The following PTPN23 variants were observed in gnomAD, a reference collection of about 807,000 sequenced individuals.
PTPN23 encodes protein tyrosine phosphatase non-receptor type 23.
Under a neutral mutation model 156.3 loss-of-function variants are expected in PTPN23, and 72 were observed. The observed-to-expected ratio is 0.46, with a 90% CI of 0.38 to 0.56. PTPN23 has a LOEUF of 0.56. Among genes scored for constraint, PTPN23 ranks in the 20% least tolerant of loss-of-function variants. The pLI is 0.00. For missense variants in PTPN23, 1,974 were observed against 2,171.5 expected (o/e 0.91, Z 1.81); for synonymous variants, 957 against 899.6 (o/e 1.06, Z -1.14).
intron 2 of PTPN23, among the ~76,000 whole-genome samples, chr3:47,403,251 A>G (rs1325575456): frequency 6.6e-6 from 1 of 150,476 alleles, no homozygotes; most frequent in African/African-American, 2.5e-5. Flanking sequence ...ACGGGGTTTC[A>G]CCGTGTTAGC....
rs1036806809 is a variant in PTPN23 at position 47,407,345 on chromosome 3, A to T, written c.901A>T (p.Thr301Ser). The change falls in exon 11 of 25, where the codon ACT (threonine) becomes TCT (serine). Residue 301 changes from threonine to serine, a missense_variant. This residue lies in a region of PTPN23 where 726 missense variants were observed against 929.5 expected (regional missense o/e 0.78). Coordinates refer to ENST00000265562, the MANE Select transcript of PTPN23 (RefSeq NM_015466.4). This position sits in a 1 kb window ranked among gnomAD's most constrained non-coding sequence, Gnocchi z 4.0. Reference protein sequence around the residue: ...PDTVQDALRFTMDVIGGKYNS... With the variant: ...PDTVQDALRFSMDVIGGKYNS... ...CACTGTGCAAGACGCGCTTCGCTTC[A>T]CTATGGATGTCATTGGGGGAAAGTG... 1 of 1,613,814 alleles carries T rather than the reference A, an allele frequency of 6.2e-7. No homozygotes were observed. The highest frequency in any genetic ancestry group is 1.3e-5 in the African/African-American group (1 of 74,864).
In PTPN23 at chr3:47,381,136, C is replaced by T; in HGVS notation, c.40C>T (p.Leu14=). 2 of 1,592,662 alleles carry T rather than the reference C, an allele frequency of 1.3e-6. No individual in the cohort carries two copies. ...VPRMPMIWLD[L]KEAGDFHFQP... ...CCGCATGCCCATGATCTGGCTGGAC[C>T]TGAAGGAGGCCGGTGACTTTCACTT... The change falls in exon 1 of 25, where the codon CTG becomes TTG. Residue 14 remains leucine (L), a synonymous_variant. Transcript: ENST00000265562.
At chr3:47,381,694 G>T (rs1433515129) in intron 1 of PTPN23, among the ~76,000 whole-genome samples, 8 of 152,202 alleles carry the variant, frequency 5.3e-5, no homozygotes, top group Non-Finnish European at 1.2e-4. Context: ...CCTGCGGTGA[G>T]GGTTTGTTTT....
chr3:47,392,259 C>T (rs1704790434), intron 1 of PTPN23, among the ~76,000 whole-genome samples: 1 of 152,134 alleles, frequency 6.6e-6, no homozygotes, highest in Non-Finnish European at 1.5e-5. Context: ...CATCATAGCT[C>T]ACTGCAGCTT....
intron 1 of PTPN23, among the ~76,000 whole-genome samples, chr3:47,390,987 GT>G (rs1160715991): frequency 5.9e-5 from 9 of 152,162 alleles, no homozygotes; most frequent in Non-Finnish European, 7.3e-5. Flanking sequence ...GCTCATGTCT[GT>G]AATCCCAACA....
Position 47,404,996 on chromosome 3 carries a change from T to G in PTPN23, c.288-9T>G. On this transcript the variant is annotated splice_polypyrimidine_tract_variant and intron_variant, in intron 3 of 24. Coordinates refer to ENST00000265562, the MANE Select transcript of PTPN23 (RefSeq NM_015466.4). ...TGCCCTCGAGATAACTGGGGTGCCA[T>G]GTCTGCAGGACAGAGATCTTCTCAG... 1 of 1,614,166 alleles carries G rather than the reference T, an allele frequency of 6.2e-7. No homozygotes were observed. The highest frequency in any genetic ancestry group is 1.3e-5 in the African/African-American group (1 of 75,048).
At chr3:47,391,666 C>T (rs1415267277) in intron 1 of PTPN23, among the ~76,000 whole-genome samples, 1 of 152,112 alleles carries the variant, frequency 6.6e-6, no homozygotes, top group Non-Finnish European at 1.5e-5. Context: ...TCAGATGTTC[C>T]TAGTGATATC....
Position 47,406,683 on chromosome 3 carries a change from C to A in PTPN23, c.760-20C>A, listed in dbSNP as rs201260277. On this transcript the variant is annotated intron_variant, in intron 8 of 24. Transcript: ENST00000265562. The surrounding 1 kb of genome is among the most constrained non-coding windows in gnomAD (Gnocchi z 5.8). ...CCACAGCTCAGGAAGCAAGTCGTGG[C>A]GTCTCTTCTTCTTTCCCAGCTGCAC... 2.5e-6 allele frequency: 4 copies of A among 1,613,984 alleles called. No homozygotes were observed. The highest frequency in any genetic ancestry group is 2.7e-5 in the African/African-American group (2 of 75,050).
At chr3:47,403,536 G>A (rs137970230) in intron 2 of PTPN23, among the ~76,000 whole-genome samples, 199 of 152,050 alleles carry the variant, frequency 1.3e-3, no homozygotes, top group African/African-American at 4.7e-3. Context: ...TTTACCTTTT[G>A]CTTTTTTTGA....
Position 47,411,643 on chromosome 3 carries a change from T to C in PTPN23, c.3845T>C (p.Val1282Ala). The C allele has an allele frequency of 6.2e-7, 1 of 1,607,826 alleles. No homozygotes were observed. The highest frequency in any genetic ancestry group is 8.5e-7 in the Non-Finnish European group (1 of 1,176,730). Residue 1282 changes from valine to alanine, a missense_variant, in exon 20 of 25, where the codon GTG (valine) becomes GCG (alanine). Transcript: ENST00000265562. This position sits in a 1 kb window ranked among gnomAD's most constrained non-coding sequence, Gnocchi z 6.3. ...TGGCTCATGGTCCATGAGCAGAAAGTGTCAGTCATTGTCATGCTGGTTTCT... is the reference window on the plus strand; with the variant it reads ...TGGCTCATGGTCCATGAGCAGAAAGCGTCAGTCATTGTCATGCTGGTTTCT... ...DFWLMVHEQK[V>A]SVIVMLVSEA...
chr3:47,405,652 T>C lies in PTPN23; in HGVS notation c.365-97T>C. The stretch of plus-strand genomic sequence containing the variant: ...CGTTGCCCTGGTTCTCAGAGCCATG[T>C]TGTCCTGATTGTGGATAACAGCAGT... On this transcript the variant is annotated intron_variant, in intron 4 of 24. Transcript: ENST00000265562. The surrounding 1 kb of genome is among the most constrained non-coding windows in gnomAD (Gnocchi z 4.7). 7.8e-7 allele frequency: 1 copy of C among 1,275,372 alleles called. No individual in the cohort carries two copies. The highest frequency in any genetic ancestry group is 1.5e-5 in the African/African-American group (1 of 67,654). The allele number at this position is 1,275,372 out of a possible 1,614,324, so 79.0% of individuals were successfully genotyped here.
At position 47,412,553 on chromosome 3, in the gene PTPN23, G is replaced by T. The variant is rs371253002; in HGVS notation, c.4357G>T (p.Val1453Leu). Residue 1453 changes from valine (V) to leucine (L), a missense_variant, in exon 24 of 25, where the codon GTG becomes TTG. Physicochemically the swap from Val to Leu is conservative, Grantham distance 32 (BLOSUM62 1). This residue lies in a region of PTPN23 where 484 missense variants were observed against 516.0 expected (regional missense o/e 0.94). Coordinates refer to ENST00000265562, the MANE Select transcript of PTPN23 (RefSeq NM_015466.4). ...CTGCTATGAGGCAGTGGTGAGACAC[G>T]TGGAGCAGGTCCTGCAGCGCCATGG... ...RFCYEAVVRH[V>L]EQVLQRHGVP... 1.4e-5 allele frequency: 23 copies of T among 1,613,518 alleles called. No homozygotes were observed. Among genetic ancestry groups the T allele is most frequent in the Non-Finnish European group, 1.7e-6 (2 of 1,180,012 alleles).
rs79086441 is a variant in PTPN23, at chr3:47,389,199, T to C, written c.85-6944T>C. On this transcript the variant is annotated intron_variant, in intron 1 of 24. Transcript: ENST00000265562. ...GTTCTTAGTACAGGTCTTGGCCTAT[T>C]GTAAACAATATTTTCACCTGAGCAT... 6.2e-3 allele frequency among the ~76,000 whole-genome samples: 949 copies of C among 152,298 alleles called. 27 individuals carry two copies. Among genetic ancestry groups the C allele is most frequent in the East Asian group, 0.052 (270 of 5,174 alleles).
In PTPN23 at chr3:47,407,227, G is replaced by T. The variant is rs1026842905; in HGVS notation, c.864+41G>T. 1.9e-6 allele frequency: 3 copies of T among 1,613,876 alleles called. No homozygotes were observed. In the Admixed American group the frequency reaches 5.0e-5, roughly 27 times the overall value. On this transcript the variant is annotated intron_variant, in intron 10 of 24. Transcript: ENST00000265562. This position sits in a 1 kb window ranked among gnomAD's most constrained non-coding sequence, Gnocchi z 4.0. ...GCCTGGCTGCCCTGAGGGTATAGGA[G>T]CAAGCCCGGTAGGACTGAGGGGGTG...
At chr3:47,386,597 C>G (rs1704658077) in intron 1 of PTPN23, among the ~76,000 whole-genome samples, 1 of 152,108 alleles carries the variant, frequency 6.6e-6, no homozygotes, top group Non-Finnish European at 1.5e-5. Flanking sequence ...TCTTGAAAAA[C>G]TAGCTTGCAC....
chr3:47,387,981 A>G (rs1366831756), intron 1 of PTPN23, among the ~76,000 whole-genome samples: 5 of 152,142 alleles, frequency 3.3e-5, no homozygotes, highest in African/African-American at 1.2e-4. Context: ...AAAATTCTCT[A>G]CTGTTTGGTG....
At chr3:47,403,269 GTCTCGATC>G (rs1705041168) in intron 2 of PTPN23, among the ~76,000 whole-genome samples, 1 of 151,626 alleles carries the variant, frequency 6.6e-6, no homozygotes, top group South Asian at 2.1e-4. Context: ...AGCCAGGATG[GTCTCGATC>G]TCCTGACCTC....
rs1019687086 is a variant in PTPN23 at position 47,411,999 on chromosome 3, G to C, written c.4073+32G>C. The C allele has an allele frequency of 6.2e-7, 1 of 1,606,032 alleles. No homozygotes were observed. Among genetic ancestry groups the C allele is most frequent in the Non-Finnish European group, 8.5e-7 (1 of 1,175,540 alleles). ...CCACTGCTCTGGATGGTGGTTGGGG[G>C]TCTAAGTGCTGTCCAGTCCTTGGTG... On this transcript the variant is annotated intron_variant, in intron 21 of 24. Transcript: ENST00000265562. This position sits in a 1 kb window ranked among gnomAD's most constrained non-coding sequence, Gnocchi z 6.3.
At chr3:47,385,997 C>T (rs1257041860) in intron 1 of PTPN23, among the ~76,000 whole-genome samples, 1 of 152,160 alleles carries the variant, frequency 6.6e-6, no homozygotes, top group Non-Finnish European at 1.5e-5. Flanking sequence ...TACTGGAATT[C>T]CCTTCCTCCT....
Sources: gnomAD v4.1 joint callset for allele counts (sites outside exome capture counted in the v4.1 genomes callset) on GRCh38, gnomAD v4.1.1 for gene constraint, gnomAD v4.1.1 regional missense constraint, Gnocchi (gnomAD v3.1) non-coding constraint, MANE v1.5 for transcripts, NCBI Gene and HGNC (gene_info 2026-07-23, HGNC 2026-07-21) for gene names.